The following ZNF33B variants were observed in gnomAD, a reference collection of about 807,000 sequenced individuals.
The protein encoded by ZNF33B is zinc finger protein 33B.
In ZNF33B, 29 loss-of-function variants were observed where a neutral mutation model predicts 45.8. That is an observed-to-expected ratio of 0.63 (90% confidence interval 0.47 to 0.86). ZNF33B has a LOEUF of 0.86. Among genes scored for constraint, ZNF33B ranks in the 40% least tolerant of loss-of-function variants. The probability of loss-of-function intolerance (pLI) is 0.00; values close to 1 mark genes in which losing one functional copy is unlikely to be tolerated. For missense variants in ZNF33B, 831 were observed against 909.9 expected (o/e 0.91, Z 1.12); for synonymous variants, 305 against 307.8 (o/e 0.99, Z 0.10).
intron 4 of ZNF33B, among the ~76,000 whole-genome samples, chr10:42,600,934 G>A (rs1468744960): frequency 6.6e-6 from 1 of 152,086 alleles, no homozygotes. Flanking sequence ...ATCCCCCTGA[G>A]TAGATCCAGA....
At chr10:42,638,113 G>A (rs1260636130) in intron 1 of ZNF33B, among the ~76,000 whole-genome samples, 1 of 152,236 alleles carries the variant, frequency 6.6e-6, no homozygotes, top group Non-Finnish European at 1.5e-5. Flanking sequence ...TCGGGCGGGC[G>A]ACTGCACCCG....
At chr10:42,581,196 G>A (rs569680917) in intron 1 of ZNF33B, among the ~76,000 whole-genome samples, 2 of 152,180 alleles carry the variant, frequency 1.3e-5, no homozygotes, top group East Asian at 1.9e-4. Flanking sequence ...GAATGAAAGT[G>A]TGGCCCGGGC....
intron 1 of ZNF33B, among the ~76,000 whole-genome samples, chr10:42,576,743 A>AT (rs1363510260): frequency 6.6e-6 from 1 of 152,230 alleles, no homozygotes; most frequent in Non-Finnish European, 1.5e-5. Context: ...CCTCAAATTC[A>AT]TAAGAATGGT....
chr10:42,631,592 A>C (rs1161531316), intron 4 of ZNF33B, among the ~76,000 whole-genome samples: 3 of 152,230 alleles, frequency 2.0e-5, no homozygotes, highest in African/African-American at 4.8e-5. Flanking sequence ...TTCTGACAGA[A>C]GAATAAACAC....
chr10:42,608,765 C>T (rs1049521373), intron 4 of ZNF33B, among the ~76,000 whole-genome samples: 2 of 150,888 alleles, frequency 1.3e-5, no homozygotes, highest in African/African-American at 4.9e-5. Context: ...AAGAAGAAGG[C>T]AGGAAGGAAA....
At chr10:42,624,287 G>A (rs1838708456) in intron 4 of ZNF33B, among the ~76,000 whole-genome samples, 1 of 152,184 alleles carries the variant, frequency 6.6e-6, no homozygotes, top group African/African-American at 2.4e-5. Flanking sequence ...ATTTTGGGGA[G>A]ACATGAACAT....
In ZNF33B at chr10:42,594,306, A is replaced by C. The variant is rs1010014052; in HGVS notation, c.644T>G (p.Leu215Ter). 6.2e-7 allele frequency: 1 copy of C among 1,613,904 alleles called. No individual in the cohort carries two copies. Among genetic ancestry groups the C allele is most frequent in the East Asian group, 2.2e-5 (1 of 44,860 alleles). ...TATACTGTATTCAAAATTGTGGTCT[A>C]AAGTTTGAATCTTCTCATGCTGCAA... is the stretch of plus-strand genomic sequence containing the variant. ...NTLQHEKIQT[L>*]DHNFEYSICQ... is the part of the protein sequence containing the mutation. Residue 215 changes from leucine (L) to a stop codon, truncating the protein, a stop_gained, in exon 5 of 5, where the codon TTA becomes TGA. Coordinates refer to ENST00000359467, the MANE Select transcript of ZNF33B (RefSeq NM_006955.3). LOFTEE classifies it low-confidence loss of function (END_TRUNC).
intron 4 of ZNF33B, among the ~76,000 whole-genome samples, chr10:42,606,973 A>G (rs1687597775): frequency 6.6e-6 from 1 of 152,130 alleles, no homozygotes; most frequent in Admixed American, 6.6e-5. Context: ...AAAATCTGAA[A>G]TGCTCCAACA....
intron 4 of ZNF33B, 74 bp from the exon 5 acceptor site, chr10:42,594,773 T>C: frequency 6.9e-7 from 1 of 1,452,488 alleles, no homozygotes; most frequent in Non-Finnish European, 9.1e-7. Context: ...TCTACACAAA[T>C]GCCCTATGTT....
chr10:42,607,087 G>A (rs140405335), intron 4 of ZNF33B, among the ~76,000 whole-genome samples: 2 of 152,116 alleles, frequency 1.3e-5, no homozygotes, highest in East Asian at 3.9e-4. Flanking sequence ...ACAATGTATT[G>A]TTGGGTTTTA....
At chr10:42,618,399 T>A (rs887159430) in intron 4 of ZNF33B, among the ~76,000 whole-genome samples, 1 of 152,200 alleles carries the variant, frequency 6.6e-6, no homozygotes, top group African/African-American at 2.4e-5. Context: ...TGCTATAAAA[T>A]TTTTTTGATG....
chr10:42,635,278 G>A (rs1433363415), intron 2 of ZNF33B, among the ~76,000 whole-genome samples: 1 of 151,944 alleles, frequency 6.6e-6, no homozygotes, highest in African/African-American at 2.4e-5. Context: ...TATATTTGGG[G>A]CTTTGCAGGC....
chr10:42,588,889 T>C (rs761995777), downstream of ZNF33B, among the ~76,000 whole-genome samples: 1 of 152,170 alleles, frequency 6.6e-6, no homozygotes, highest in Non-Finnish European at 1.5e-5. Context: ...AGAGTGGGGA[T>C]GGAAACGAGT....
intron 2 of ZNF33B, among the ~76,000 whole-genome samples, chr10:42,634,637 G>C (rs1411412286): frequency 6.6e-6 from 1 of 152,090 alleles, no homozygotes; most frequent in South Asian, 2.1e-4. Flanking sequence ...AAAACACACA[G>C]ACATATATGT....
intron 1 of ZNF33B, chr10:42,581,693 A>T (rs1589009914): frequency 6.6e-6 from 1 of 152,194 alleles, no homozygotes; most frequent in Non-Finnish European, 1.5e-5. Flanking sequence ...ATATTGAGAG[A>T]ATAGATGAAA....
chr10:42,594,078 GA>G lies in ZNF33B; in HGVS notation c.871del (p.Ser291LeufsTer8). The G allele has an allele frequency of 6.2e-7, 1 of 1,614,040 alleles. No individual in the cohort carries two copies. Among genetic ancestry groups the G allele is most frequent in the Non-Finnish European group, 8.5e-7 (1 of 1,179,946 alleles). ...EKFLCVKSTL[S>X]KHDGVPVKHY... ...TTTCACAGGTACCCCATCATGTTTA[GA>G]AAGGGTGGACTTCACACATAAGAAC... On this transcript the variant is annotated frameshift_variant, in exon 5 of 5. Coordinates refer to ENST00000359467, the MANE Select transcript of ZNF33B (RefSeq NM_006955.3). LOFTEE classifies it low-confidence loss of function (END_TRUNC).
At chr10:42,619,346 T>C (rs539303712) in intron 4 of ZNF33B, among the ~76,000 whole-genome samples, 1 of 152,286 alleles carries the variant, frequency 6.6e-6, no homozygotes, top group East Asian at 1.9e-4. Flanking sequence ...GGATGACATA[T>C]ATAAATTCCT....
At chr10:42,595,140 C>T (rs1399087170) in intron 4 of ZNF33B, among the ~76,000 whole-genome samples, 3 of 152,090 alleles carry the variant, frequency 2.0e-5, no homozygotes, top group East Asian at 3.9e-4. Context: ...AATAGATATT[C>T]AAATACAGCA....
In ZNF33B at chr10:42,592,735, G is replaced by A. The variant is rs748189726; in HGVS notation, c.2215C>T (p.His739Tyr). The A allele has an allele frequency of 9.9e-6, 16 of 1,614,108 alleles. No homozygotes were observed. Among genetic ancestry groups the A allele is most frequent in the Non-Finnish European group, 1.4e-5 (16 of 1,179,984 alleles). The stretch of plus-strand genomic sequence containing the variant: ...TTTTCCCCTGTATGTGATCTCTGAT[G>A]TTTAGCAAGGTCTGATTTACGGTAA... ...IFYRKSDLAKHQRSHTGEKPY... is the reference protein window; with the variant it reads ...IFYRKSDLAKYQRSHTGEKPY... Residue 739 changes from histidine (H) to tyrosine (Y), a missense_variant, in exon 5 of 5, where the codon CAT becomes TAT. His to Tyr is a moderately conservative substitution (Grantham distance 83, BLOSUM62 2). Coordinates refer to ENST00000359467, the MANE Select transcript of ZNF33B (RefSeq NM_006955.3).
Sources: allele counts gnomAD v4.1 joint callset (sites outside exome capture counted in the v4.1 genomes callset), GRCh38; gene constraint gnomAD v4.1.1; transcripts MANE v1.5; gene names NCBI Gene and HGNC (gene_info 2026-07-23, HGNC 2026-07-21).